SLC25A28: variants seen among roughly 807,000 people sequenced by gnomAD.
SLC25A28 encodes the protein solute carrier family 25 member 28, also known as mitoferrin-2.
A neutral mutation model predicts 31.9 loss-of-function variants in SLC25A28; 10 were observed. That is an observed-to-expected ratio of 0.31 (90% CI 0.19 to 0.53). The LOEUF is 0.53. Ranked by LOEUF, SLC25A28 falls within the 20% of genes least tolerant of loss-of-function variation. The probability of loss-of-function intolerance (pLI) is 0.95; values close to 1 mark genes in which losing one functional copy is unlikely to be tolerated. For missense variants in SLC25A28, 256 were observed against 490.3 expected, an observed-to-expected ratio of 0.52 and a Z score of 4.51; for synonymous variants, 208 against 203.6, an observed-to-expected ratio of 1.02 and a Z score of -0.19.
chr10:99,658,717 A>G, the SLC25A28 span, among the ~76,000 whole-genome samples: 1 of 152,096 alleles, frequency 6.6e-6, no homozygotes, highest in Non-Finnish European at 1.5e-5. Context: ...GGTAGGGCGG[A>G]TCGTGGGGCG....
the SLC25A28 span, among the ~76,000 whole-genome samples, chr10:99,640,154 T>C: frequency 6.6e-6 from 1 of 152,234 alleles, no homozygotes; most frequent in Non-Finnish European, 1.5e-5. Flanking sequence ...TTTATATTAG[T>C]TATCCATCAC....
At chr10:99,631,892 T>A in the SLC25A28 span, among the ~76,000 whole-genome samples, 1 of 104,070 alleles carries the variant, frequency 9.6e-6, no homozygotes, top group Non-Finnish European at 2.0e-5. Context: ...TTTTTTTTTA[T>A]TTTTTTTTTT....
At chr10:99,659,118 G>A in the SLC25A28 span, among the ~76,000 whole-genome samples, 1 of 152,168 alleles carries the variant, frequency 6.6e-6, no homozygotes, top group Non-Finnish European at 1.5e-5. The surrounding 1 kb of genome is among the most constrained non-coding windows in gnomAD (Gnocchi z 4.1). Flanking sequence ...GATGCGCTTC[G>A]GTCGCGAACA....
rs370795449 is a variant in SLC25A28, at chr10:99,618,212, A to G, written c.291+1833T>C. ...TTTAACAGGGATTTATAAAATGTTT[A>G]TAGCAACAATAGCACTATGTAAATA... On this transcript the variant is annotated intron_variant, in intron 1 of 3. Coordinates refer to ENST00000370495, the MANE Select transcript of SLC25A28 (RefSeq NM_031212.4). 7.6e-6 allele frequency: 7 copies of G among 918,426 alleles called. No homozygotes were observed. In the East Asian group the frequency reaches 3.5e-4, roughly 46 times the overall value. 56.9% of individuals were successfully genotyped at this position (918,426 alleles called of 1,614,324 possible). A position where few individuals can be genotyped will look rare whatever the true frequency, so the allele number is the denominator to read the frequency against.
At position 99,620,414 on chromosome 10, in the gene SLC25A28, C is replaced by A. The variant is rs897161932; in HGVS notation, c.-79G>T. On this transcript the variant is annotated 5_prime_UTR_variant, in exon 1 of 4. Coordinates refer to ENST00000370495, the MANE Select transcript of SLC25A28 (RefSeq NM_031212.4). ...CGCCGCCCCCCGGCCCCGTAGTGTC[C>A]GCCTCAGGCGCGGCCCAGAGAGCCC... 4 of 1,052,448 alleles carry A rather than the reference C, an allele frequency of 3.8e-6. No homozygotes were observed. Among genetic ancestry groups the A allele is most frequent in the South Asian group, 4.4e-5 (1 of 22,772 alleles). 65.2% of individuals were successfully genotyped at this position (1,052,448 alleles called of 1,614,324 possible).
the SLC25A28 span, among the ~76,000 whole-genome samples, chr10:99,637,475 G>T: frequency 6.6e-6 from 1 of 152,026 alleles, no homozygotes; most frequent in African/African-American, 2.4e-5. Flanking sequence ...CATTCAAATA[G>T]GTAAAGAGGA....
At chr10:99,638,964 T>A in the SLC25A28 span, among the ~76,000 whole-genome samples, 1 of 152,024 alleles carries the variant, frequency 6.6e-6, no homozygotes, top group Non-Finnish European at 1.5e-5. Flanking sequence ...AATAAGTCAT[T>A]GTATGAAAAA....
chr10:99,610,652 G>A lies in SLC25A28; in HGVS notation c.*197C>T, dbSNP rs986176179. On this transcript the variant is annotated 3_prime_UTR_variant, in exon 4 of 4. Coordinates refer to ENST00000370495, the MANE Select transcript of SLC25A28 (RefSeq NM_031212.4). The stretch of plus-strand genomic sequence containing the variant: ...GGTGCTGTGGTGTGCTTTGCTGCAC[G>A]TGCTTAGGGCCTGGAAGGAAAGGTG... 1.8e-5 allele frequency: 11 copies of A among 622,806 alleles called. No homozygotes were observed. The highest frequency in any genetic ancestry group is 4.0e-5 in the South Asian group (2 of 50,610). 38.6% of individuals were successfully genotyped at this position (622,806 alleles called of 1,614,324 possible).
the SLC25A28 span, among the ~76,000 whole-genome samples, chr10:99,636,280 G>C: frequency 7.9e-5 from 12 of 152,244 alleles, no homozygotes; most frequent in Non-Finnish European, 1.2e-4. Context: ...CACTCTCTCA[G>C]ATTACAGTGG....
At chr10:99,617,611 CAA>C in intron 1 of SLC25A28, 1 of 985,412 alleles carries the variant, frequency 1.0e-6, no homozygotes, top group Non-Finnish European at 1.2e-6. Context: ...CATGCCTGCA[CAA>C]AAGTGTTTAA....
the SLC25A28 span, among the ~76,000 whole-genome samples, chr10:99,648,686 G>GTTTTTTTTTTTTT: frequency 8.3e-6 from 1 of 119,806 alleles, no homozygotes. Context: ...ATATTCCTAG[G>GTTTTTTTTTTTTT]TTTTTTTTTT....
chr10:99,633,481 A>T, the SLC25A28 span, among the ~76,000 whole-genome samples: 1 of 152,064 alleles, frequency 6.6e-6, no homozygotes, highest in Non-Finnish European at 1.5e-5. Flanking sequence ...GGATCACCTG[A>T]GGTCAGGAGT....
intron 1 of SLC25A28, among the ~76,000 whole-genome samples, chr10:99,614,958 G>C (rs1286511635): frequency 2.0e-5 from 3 of 152,208 alleles, no homozygotes; most frequent in African/African-American, 7.2e-5. Context: ...TCACATAACT[G>C]TATCAGCTAC....
upstream of SLC25A28, chr10:99,620,636 C>T (rs968228891): frequency 6.0e-6 from 6 of 993,492 alleles, no homozygotes; most frequent in Non-Finnish European, 7.2e-6. Flanking sequence ...TTAGAAGCTT[C>T]TTGTTTATTG....
chr10:99,642,311 T>C, the SLC25A28 span, among the ~76,000 whole-genome samples: 1 of 152,024 alleles, frequency 6.6e-6, no homozygotes, highest in Non-Finnish European at 1.5e-5. Context: ...TCCTAGGTAT[T>C]TTATTCTCTT....
Position 99,611,464 on chromosome 10 carries a change from G to T in SLC25A28, c.578-98C>A. 1 of 1,438,262 alleles carries T rather than the reference G, an allele frequency of 7.0e-7. No homozygotes were observed. Among genetic ancestry groups the T allele is most frequent in the Non-Finnish European group, 9.4e-7 (1 of 1,064,362 alleles). 89.1% of individuals were successfully genotyped at this position (1,438,262 alleles called of 1,614,324 possible). On this transcript the variant is annotated intron_variant, in intron 3 of 3. Coordinates refer to ENST00000370495, the MANE Select transcript of SLC25A28 (RefSeq NM_031212.4). This position sits in a 1 kb window ranked among gnomAD's most constrained non-coding sequence, Gnocchi z 5.5. ...GCCCCAAGTCAGCAGATCAGCCAAT[G>T]GAATAGAGAGAGAAAAAAGTATGAG... is the stretch of plus-strand genomic sequence containing the variant.
chr10:99,655,079 T>C, the SLC25A28 span, among the ~76,000 whole-genome samples: 1 of 152,310 alleles, frequency 6.6e-6, no homozygotes, highest in South Asian at 2.1e-4. Context: ...GGCATACGGA[T>C]TTATTGAAGG....
chr10:99,622,679 A>G (rs2034818932), upstream of SLC25A28: 1 of 985,434 alleles, frequency 1.0e-6, no homozygotes, highest in Middle Eastern at 5.2e-4. Context: ...CCTTTTAGAC[A>G]TCTCAGTCGC....
chr10:99,621,955 T>A (rs890131351), upstream of SLC25A28: 3 of 152,148 alleles, frequency 2.0e-5, no homozygotes, highest in African/African-American at 7.2e-5. Flanking sequence ...CTCAAAATTT[T>A]GCATATCATT....
Sources: gnomAD v4.1 joint callset for allele counts (sites outside exome capture counted in the v4.1 genomes callset) on GRCh38, gnomAD v4.1.1 for gene constraint, Gnocchi (gnomAD v3.1) non-coding constraint, MANE v1.5 for transcripts, NCBI Gene and HGNC (gene_info 2026-07-23, HGNC 2026-07-21) for gene names.